Variants in MYH8 observed in about 807,000 individuals in gnomAD.
MYH8 encodes myosin heavy chain 8.
In MYH8, 168 loss-of-function variants were observed where a neutral mutation model predicts 233.2. That is an observed-to-expected ratio of 0.72 (90% CI 0.64 to 0.82). The LOEUF is 0.82. MYH8 is among the 40% of genes least tolerant of loss of function. The pLI, the probability that MYH8 is intolerant of heterozygous loss-of-function variation, is 0.00. For missense variants in MYH8, 1,995 were observed against 2,327.8 expected, an observed-to-expected ratio of 0.86 and a Z score of 2.94; for synonymous variants, 785 against 850.6, an observed-to-expected ratio of 0.92 and a Z score of 1.34.
rs752671019 is a variant in MYH8, at chr17:10,400,735, C to G, written c.3390G>C (p.Ala1130=). 6.2e-7 allele frequency: 1 copy of G among 1,614,200 alleles called. No individual in the cohort carries two copies. The highest frequency in any genetic ancestry group is 8.5e-7 in the Non-Finnish European group (1 of 1,180,048). The part of the protein sequence containing the change: ...ELGEEIEAER[A]SRAKAEKQRS... The stretch of plus-strand genomic sequence containing the variant: ...GCTGCTTCTCCGCTTTGGCTCGGGA[C>G]GCCCTCTCTGCCTCGATTTCTTCCC... Residue 1130 remains alanine, a synonymous_variant, in exon 27 of 40, where the codon GCG becomes GCC. Coordinates refer to ENST00000403437, the MANE Select transcript of MYH8 (RefSeq NM_002472.3). This position sits in a 1 kb window ranked among gnomAD's most constrained non-coding sequence, Gnocchi z 4.0.
chr17:10,400,726 G>A lies in MYH8; in HGVS notation c.3399C>T (p.Ala1133=). Residue 1133 remains alanine (A), a synonymous_variant, in exon 27 of 40, where the codon GCC becomes GCT. Coordinates refer to ENST00000403437, the MANE Select transcript of MYH8 (RefSeq NM_002472.3). This position sits in a 1 kb window ranked among gnomAD's most constrained non-coding sequence, Gnocchi z 4.0. ...GGTCAGAGCGCTGCTTCTCCGCTTT[G>A]GCTCGGGACGCCCTCTCTGCCTCGA... ...EEIEAERASR[A]KAEKQRSDLS... is the part of the protein sequence containing the mutation. 1 of 1,614,194 alleles carries A rather than the reference G, an allele frequency of 6.2e-7. No individual in the cohort carries two copies.
At position 10,394,379 on chromosome 17, in the gene MYH8, C is replaced by T. The variant is rs202001342; in HGVS notation, c.5036G>A (p.Arg1679His). 109 of 1,614,124 alleles carry T rather than the reference C, an allele frequency of 6.8e-5. 1 individual carries two copies. The highest frequency in any genetic ancestry group is 5.3e-4 in the East Asian group (24 of 44,874). The change falls in exon 35 of 40, where the codon CGC becomes CAC. Residue 1679 changes from arginine (R) to histidine (H), a missense_variant. By Grantham distance (29) the Arg-to-His change is conservative. This residue lies in a region of MYH8 where 1,498 missense variants were observed against 1,680.9 expected (regional missense o/e 0.89). Coordinates refer to ENST00000403437, the MANE Select transcript of MYH8 (RefSeq NM_002472.3). ...DLKEQLAIVE[R>H]RANLLQAEIE... ...CTCAGCCTGCAGCAGGTTGGCTCTG[C>T]GCTCCACAATTGCCAGCTGTTCCTT... is the stretch of plus-strand genomic sequence containing the variant.
rs2072311451 is a variant in MYH8, at chr17:10,418,902, T to C, written c.339A>G (p.Ala113=). 1 of 1,614,034 alleles carries C rather than the reference T, an allele frequency of 6.2e-7. No individual in the cohort carries two copies. Among genetic ancestry groups the C allele is most frequent in the Admixed American group, 1.7e-5 (1 of 60,004 alleles). The part of the protein sequence containing the change: ...GVLYNLKERY[A]AWMIYTYSGL... ...AGACACTCACGTAGATCATCCAGGC[T>C]GCATAGCGCTCTTTGAGGTTGTACA... Residue 113 remains alanine (A), a synonymous_variant, in exon 4 of 40, where the codon GCA becomes GCG. Coordinates refer to ENST00000403437, the MANE Select transcript of MYH8 (RefSeq NM_002472.3).
At chr17:10,402,294 G>A (rs1266475880) in intron 22 of MYH8, among the ~76,000 whole-genome samples, 4 of 152,070 alleles carry the variant, frequency 2.6e-5, no homozygotes, top group African/African-American at 9.7e-5. Flanking sequence ...TTGCTAGGCT[G>A]TATTGAAGAA....
intron 35 of MYH8, among the ~76,000 whole-genome samples, chr17:10,393,457 T>C (rs2072048525): frequency 6.6e-6 from 1 of 152,224 alleles, no homozygotes; most frequent in African/African-American, 2.4e-5. Flanking sequence ...TGGCATACAT[T>C]AGTTAATTGT....
Position 10,404,560 on chromosome 17 carries a change from T to G in MYH8, c.2458A>C (p.Asn820His). The G allele has an allele frequency of 2.5e-6, 4 of 1,614,004 alleles. No individual in the cohort carries two copies. The highest frequency in any genetic ancestry group is 3.4e-6 in the Non-Finnish European group (4 of 1,179,914). ...TTGACGTTCATGAAGGCACGGACAT[T>G]ATACTGGATGCAGAAAAGTGCTTCT... The part of the protein sequence containing the change: ...RREALFCIQY[N>H]VRAFMNVKHW... Residue 820 changes from asparagine to histidine, a missense_variant, in exon 22 of 40, where the codon AAT becomes CAT. By Grantham distance (68) the Asn-to-His change is moderately conservative. This residue lies in a region of MYH8 where 1,498 missense variants were observed against 1,680.9 expected (regional missense o/e 0.89). Transcript: ENST00000403437.
chr17:10,406,981 T>C lies in MYH8; in HGVS notation c.1966-2A>G, dbSNP rs747170484. On this transcript the variant is annotated splice_acceptor_variant, in intron 17 of 39. Coordinates refer to ENST00000403437, the MANE Select transcript of MYH8 (RefSeq NM_002472.3). LOFTEE classifies it high-confidence loss of function. ...CGTCATCAATTTATTTAAATTTTCC[T>C]AGAAAACCAGACAGAAAGGACTTGA... 20 of 1,612,114 alleles carry C rather than the reference T, an allele frequency of 1.2e-5. No individual in the cohort carries two copies. Among genetic ancestry groups the C allele is most frequent in the Non-Finnish European group, 1.4e-5 (16 of 1,178,278 alleles).
chr17:10,420,887 T>C (rs2072333280), intron 2 of MYH8, among the ~76,000 whole-genome samples: 1 of 152,242 alleles, frequency 6.6e-6, no homozygotes, highest in African/African-American at 2.4e-5. Flanking sequence ...CCAAAATCTT[T>C]TTTGACATGA....
intron 17 of MYH8, among the ~76,000 whole-genome samples, chr17:10,407,991 A>G (rs1225679971): frequency 5.5e-5 from 8 of 144,810 alleles, no homozygotes; most frequent in African/African-American, 2.1e-4. Flanking sequence ...CCCAGGCTGG[A>G]GTACAGTGGT....
Position 10,396,877 on chromosome 17 carries a change from C to T in MYH8, c.4288G>A (p.Asp1430Asn). The change falls in exon 31 of 40, where the codon GAC becomes AAC. Residue 1430 changes from aspartate (D) to asparagine (N), a missense_variant. By Grantham distance (23) the Asp-to-Asn change is conservative (BLOSUM62 1). Transcript: ENST00000403437. This position sits in a 1 kb window ranked among gnomAD's most constrained non-coding sequence, Gnocchi z 4.2. The stretch of plus-strand genomic sequence containing the variant: ...GACCTTTCCACATCAAGCATGAGGT[C>T]TTCAACTTCATTCTGGAGCCGCTGC... ...TKQRLQNEVE[D>N]LMLDVERSNA... The T allele has an allele frequency of 6.2e-7, 1 of 1,614,202 alleles. No individual in the cohort carries two copies. Among genetic ancestry groups the T allele is most frequent in the Non-Finnish European group, 8.5e-7 (1 of 1,180,044 alleles).
rs766864218 is a variant in MYH8 at position 10,412,687 on chromosome 17, C to T, written c.1189G>A (p.Asp397Asn). Residue 397 changes from aspartate (D) to asparagine (N), a missense_variant, in exon 13 of 40, where the codon GAC (aspartate) becomes AAC (asparagine). By Grantham distance (23) the Asp-to-Asn change is conservative. This residue lies in a region of MYH8 where 479 missense variants were observed against 600.9 expected (regional missense o/e 0.80). Coordinates refer to ENST00000403437, the MANE Select transcript of MYH8 (RefSeq NM_002472.3). The stretch of plus-strand genomic sequence containing the variant: ...GGGTAGCAGAGGGCTTTGAGTAGGT[C>T]TGCAGAGTTCAGACTCTGGAGATAG... ...AAYLQSLNSA[D>N]LLKALCYPRV... The T allele has an allele frequency of 9.3e-6, 15 of 1,614,200 alleles. No homozygotes were observed. The highest frequency in any genetic ancestry group is 1.6e-4 in the Middle Eastern group (1 of 6,062).
chr17:10,413,362 T>A (rs750201510), intron 12 of MYH8, among the ~76,000 whole-genome samples: 5 of 152,228 alleles, frequency 3.3e-5, no homozygotes, highest in Non-Finnish European at 7.3e-5. Context: ...CTGGGGTAGA[T>A]CCTGTATATT....
chr17:10,410,961 T>C lies in MYH8; in HGVS notation c.1417-14A>G. The stretch of plus-strand genomic sequence containing the variant: ...CAGGCTGTTAAACTACACAAAATAA[T>C]AGAGATTTCCAACATCAAATGAGTT... On this transcript the variant is annotated splice_polypyrimidine_tract_variant and intron_variant, in intron 14 of 39. Coordinates refer to ENST00000403437, the MANE Select transcript of MYH8 (RefSeq NM_002472.3). 5 of 1,614,052 alleles carry C rather than the reference T, an allele frequency of 3.1e-6. No homozygotes were observed. The highest frequency in any genetic ancestry group is 4.2e-6 in the Non-Finnish European group (5 of 1,179,950).
intron 22 of MYH8, among the ~76,000 whole-genome samples, chr17:10,403,417 A>G (rs1458131328): frequency 2.0e-5 from 3 of 152,186 alleles, no homozygotes; most frequent in Non-Finnish European, 4.4e-5. Flanking sequence ...GAGTTTAAAA[A>G]ACGTTTAAAT....
chr17:10,412,576 A>T (rs1222243401), intron 13 of MYH8, 34 bp downstream of exon 13: 9 of 1,614,084 alleles, frequency 5.6e-6, no homozygotes, highest in African/African-American at 1.3e-5. Flanking sequence ...TGAAGGCCTG[A>T]GATGTGTGTG....
In MYH8 at chr17:10,415,289, C is replaced by T. The variant is rs1484135779; in HGVS notation, c.741+3G>A. 9 of 1,613,258 alleles carry T rather than the reference C, an allele frequency of 5.6e-6. No individual in the cohort carries two copies. In the South Asian group the frequency reaches 8.8e-5, roughly 16 times the overall value. ...AGTTAGGGGTTGAGACCAAGAGACT[C>T]ACAAAGCGAGAGGAGTTGTCATTCC... On this transcript the variant is annotated splice_donor_region_variant and intron_variant, in intron 8 of 39. Transcript: ENST00000403437. The surrounding 1 kb of genome is among the most constrained non-coding windows in gnomAD (Gnocchi z 4.1).
At position 10,394,380 on chromosome 17, in the gene MYH8, G is replaced by A. The variant is rs370435018; in HGVS notation, c.5035C>T (p.Arg1679Cys). The change falls in exon 35 of 40, where the codon CGC (arginine) becomes TGC (cysteine). Residue 1679 changes from arginine (R) to cysteine (C), a missense_variant. By Grantham distance (180) the Arg-to-Cys change is radical. This residue lies in a region of MYH8 where 1,498 missense variants were observed against 1,680.9 expected (regional missense o/e 0.89). Coordinates refer to ENST00000403437, the MANE Select transcript of MYH8 (RefSeq NM_002472.3). ...DLKEQLAIVERRANLLQAEIE... is the reference protein window; with the variant it reads ...DLKEQLAIVECRANLLQAEIE... The stretch of plus-strand genomic sequence containing the variant: ...TCAGCCTGCAGCAGGTTGGCTCTGC[G>A]CTCCACAATTGCCAGCTGTTCCTTG... The A allele has an allele frequency of 8.1e-6, 13 of 1,613,962 alleles. No homozygotes were observed. Among genetic ancestry groups the A allele is most frequent in the South Asian group, 2.2e-5 (2 of 91,070 alleles).
intron 21 of MYH8, among the ~76,000 whole-genome samples, chr17:10,404,822 C>T (rs963590301): frequency 2.0e-5 from 3 of 151,960 alleles, no homozygotes; most frequent in Non-Finnish European, 2.9e-5. Flanking sequence ...AATATGAGTA[C>T]GGTTCATATT....
At chr17:10,408,856 T>C (rs185302832) in intron 17 of MYH8, among the ~76,000 whole-genome samples, 89 of 152,312 alleles carry the variant, frequency 5.8e-4, no homozygotes, top group Admixed American at 4.9e-3. Flanking sequence ...CCTCATTATA[T>C]AATGAGAAAG....
Sources: gnomAD v4.1 joint callset for allele counts (sites outside exome capture counted in the v4.1 genomes callset) on GRCh38, gnomAD v4.1.1 for gene constraint, gnomAD v4.1.1 regional missense constraint, Gnocchi (gnomAD v3.1) non-coding constraint, MANE v1.5 for transcripts, NCBI Gene and HGNC (gene_info 2026-07-23, HGNC 2026-07-21) for gene names.